ZNF503: variants seen among roughly 807,000 people sequenced by gnomAD.
The protein encoded by ZNF503 is zinc finger protein 503.
A neutral mutation model predicts 34.4 loss-of-function variants in ZNF503; 15 were observed. The ratio of observed to expected loss-of-function variants is 0.44; its 90% confidence interval spans 0.29 to 0.67. ZNF503 has a LOEUF of 0.67. Among genes scored for constraint, ZNF503 ranks in the 30% least tolerant of loss-of-function variants. The pLI, the probability that ZNF503 is intolerant of heterozygous loss-of-function variation, is 0.13. For synonymous variants in ZNF503, 580 were observed against 456.8 expected (o/e 1.27, Z -3.44); for missense variants, 1,007 against 926.8 (o/e 1.09, Z -1.12).
At chr10:75,344,179 C>T in the ZNF503 span, among the ~76,000 whole-genome samples, 1 of 152,230 alleles carries the variant, frequency 6.6e-6, no homozygotes, top group South Asian at 2.1e-4. Flanking sequence ...CCCTTCTTGT[C>T]TGTAGCACTG....
At chr10:75,371,115 G>A in the ZNF503 span, among the ~76,000 whole-genome samples, 1 of 152,180 alleles carries the variant, frequency 6.6e-6, no homozygotes, top group African/African-American at 2.4e-5. Flanking sequence ...GAGGTTCAGA[G>A]GTTAGGATCT....
chr10:75,397,882 C>A lies in ZNF503; in HGVS notation c.*867G>T, dbSNP rs1275790299. The A allele has an allele frequency of 6.6e-6, 1 of 152,640 alleles. No individual in the cohort carries two copies. Among genetic ancestry groups the A allele is most frequent in the Non-Finnish European group, 1.5e-5 (1 of 68,044 alleles). 9.5% of individuals were successfully genotyped at this position (152,640 alleles called of 1,614,324 possible). A position where few individuals can be genotyped will look rare whatever the true frequency, so the allele number is the denominator to read the frequency against. ...ATATACGGAATTTTAATCTTTAAAGCGATACATTGTCTATTATTTTAGTAC... is the reference window on the plus strand; with the variant it reads ...ATATACGGAATTTTAATCTTTAAAGAGATACATTGTCTATTATTTTAGTAC... On this transcript the variant is annotated 3_prime_UTR_variant, in exon 2 of 2. Coordinates refer to ENST00000372524, the MANE Select transcript of ZNF503 (RefSeq NM_032772.6).
rs1203063558 is a variant in ZNF503, at chr10:75,400,107, C to A, written c.583G>T (p.Gly195Cys). Residue 195 changes from glycine (G) to cysteine (C), a missense_variant, in exon 2 of 2, where the codon GGT becomes TGT. Gly to Cys is a radical substitution (Grantham distance 159). Coordinates refer to ENST00000372524, the MANE Select transcript of ZNF503 (RefSeq NM_032772.6). ...CCGCCGCCGCCCCCGCCACCGCCAC[C>A]GCCTCCACCGCCGCCTCCCGGCTCC... ...KKEPGGGGGG[G>C]GGGGGGGGGV... 6.5e-7 allele frequency: 1 copy of A among 1,547,116 alleles called. No individual in the cohort carries two copies. The highest frequency in any genetic ancestry group is 1.2e-5 in the South Asian group (1 of 83,974).
At chr10:75,285,699 T>G in the ZNF503 span, among the ~76,000 whole-genome samples, 5 of 151,992 alleles carry the variant, frequency 3.3e-5, no homozygotes, top group African/African-American at 1.2e-4. Context: ...ACAAGTCAGG[T>G]CTTTGTGTTT....
chr10:75,331,297 G>A, the ZNF503 span, among the ~76,000 whole-genome samples: 55 of 152,334 alleles, frequency 3.6e-4, no homozygotes, highest in African/African-American at 1.2e-3. Flanking sequence ...GAAATGTTCT[G>A]TAAATGTCTG....
chr10:75,301,256 T>G, the ZNF503 span, among the ~76,000 whole-genome samples: 1 of 152,190 alleles, frequency 6.6e-6, no homozygotes, highest in Admixed American at 6.5e-5. Flanking sequence ...TCTTTTCTTT[T>G]TTTTGAGACA....
At chr10:75,388,073 A>G in the ZNF503 span, among the ~76,000 whole-genome samples, 3 of 152,128 alleles carry the variant, frequency 2.0e-5, no homozygotes, top group Non-Finnish European at 4.4e-5. Context: ...GGGGTCAGAG[A>G]GGAAGATTAC....
In ZNF503 at chr10:75,399,455, G is replaced by C. The variant is rs1013304672; in HGVS notation, c.1235C>G (p.Pro412Arg). ...LGCSKPAGSSPLAGASPPSVM... is the reference protein window; with the variant it reads ...LGCSKPAGSSRLAGASPPSVM... ...GGACGGCGGAGACGCTCCGGCCAAA[G>C]GGCTGGAGCCGGCCGGCTTACTGCA... is the stretch of plus-strand genomic sequence containing the variant. The change falls in exon 2 of 2, where the codon CCT becomes CGT. Residue 412 changes from proline to arginine, a missense_variant. Physicochemically the swap from Pro to Arg is moderately radical, Grantham distance 103 (BLOSUM62 -2). Transcript: ENST00000372524. 1 of 1,589,420 alleles carries C rather than the reference G, an allele frequency of 6.3e-7. No homozygotes were observed. The highest frequency in any genetic ancestry group is 8.5e-7 in the Non-Finnish European group (1 of 1,173,724).
the ZNF503 span, among the ~76,000 whole-genome samples, chr10:75,383,060 T>C: frequency 6.6e-6 from 1 of 152,202 alleles, no homozygotes; most frequent in African/African-American, 2.4e-5. Flanking sequence ...ATTCTCTGGT[T>C]GAAGGTTCAG....
chr10:75,386,557 G>A, the ZNF503 span, among the ~76,000 whole-genome samples: 3 of 152,084 alleles, frequency 2.0e-5, no homozygotes, highest in African/African-American at 7.2e-5. Flanking sequence ...TGCTTTGCTT[G>A]TCCTGCAGCT....
In ZNF503 at chr10:75,399,895, C is replaced by T. The variant is rs1276216434; in HGVS notation, c.795G>A (p.Lys265=). The T allele has an allele frequency of 6.2e-7, 1 of 1,602,514 alleles. No homozygotes were observed. The highest frequency in any genetic ancestry group is 8.5e-7 in the Non-Finnish European group (1 of 1,176,656). Residue 265 remains lysine (K), a synonymous_variant, in exon 2 of 2, where the codon AAG becomes AAA. Coordinates refer to ENST00000372524, the MANE Select transcript of ZNF503 (RefSeq NM_032772.6). ...CTTCGGCCGAGGCGCCCCCGGTGCC[C>T]TTGCCACCGCCGCCCACGTCGGTGT... ...KKDTDVGGGG[K]GTGGASAEGG...
the ZNF503 span, among the ~76,000 whole-genome samples, chr10:75,303,135 T>C: frequency 4.6e-5 from 7 of 152,194 alleles, no homozygotes; most frequent in Admixed American, 2.0e-4. Context: ...CTGTCCTCCA[T>C]ATTTTCAGTT....
At chr10:75,284,505 T>G in the ZNF503 span, among the ~76,000 whole-genome samples, 173 of 152,236 alleles carry the variant, frequency 1.1e-3, no homozygotes, top group African/African-American at 3.9e-3. Flanking sequence ...AAAAAAATTC[T>G]CTCAACCCCT....
chr10:75,328,967 G>T, the ZNF503 span, among the ~76,000 whole-genome samples: 1 of 151,968 alleles, frequency 6.6e-6, no homozygotes, highest in African/African-American at 2.4e-5. Context: ...GGCTGGTCTA[G>T]AACTCCTGAC....
the ZNF503 span, among the ~76,000 whole-genome samples, chr10:75,300,024 A>G: frequency 6.6e-6 from 1 of 152,196 alleles, no homozygotes; most frequent in Non-Finnish European, 1.5e-5. Flanking sequence ...TTAGGCAGGA[A>G]TTTCCTCATC....
At chr10:75,339,733 G>T in the ZNF503 span, among the ~76,000 whole-genome samples, 1 of 152,146 alleles carries the variant, frequency 6.6e-6, no homozygotes, top group Non-Finnish European at 1.5e-5. Context: ...AAGGCGAATG[G>T]TATGGTAGAA....
chr10:75,342,678 G>C, the ZNF503 span, among the ~76,000 whole-genome samples: 1 of 147,208 alleles, frequency 6.8e-6, no homozygotes, highest in Non-Finnish European at 1.5e-5. Context: ...CGGGGGGAGG[G>C]GGCTTGTGGG....
chr10:75,304,221 G>A, the ZNF503 span, among the ~76,000 whole-genome samples: 2 of 152,222 alleles, frequency 1.3e-5, no homozygotes, highest in South Asian at 2.1e-4. Context: ...TGTTTATCAG[G>A]TGAACAGCAT....
the ZNF503 span, among the ~76,000 whole-genome samples, chr10:75,298,011 A>G: frequency 2.9e-3 from 447 of 152,290 alleles, 5 homozygotes; most frequent in African/African-American, 0.01. Context: ...GAACAATCCA[A>G]TGATTTTTTA....
Sources: allele counts gnomAD v4.1 joint callset (sites outside exome capture counted in the v4.1 genomes callset), GRCh38; gene constraint gnomAD v4.1.1; transcripts MANE v1.5; gene names NCBI Gene and HGNC (gene_info 2026-07-23, HGNC 2026-07-21).